Variants in SYNRG observed in about 807,000 individuals in gnomAD.
SYNRG encodes synergin gamma.
Under a neutral mutation model 130.9 loss-of-function variants are expected in SYNRG, and 37 were observed. The ratio of observed to expected loss-of-function variants is 0.28; its 90% confidence interval spans 0.22 to 0.37. The LOEUF is 0.37. Among genes scored for constraint, SYNRG ranks in the 10% least tolerant of loss-of-function variants. SYNRG has a pLI of 1.00. For missense variants in SYNRG, 1,338 were observed against 1,588.9 expected (o/e 0.84, Z 2.68); for synonymous variants, 539 against 568.1 (o/e 0.95, Z 0.73).
intron 3 of SYNRG, among the ~76,000 whole-genome samples, chr17:37,593,643 G>A (rs1355166203): frequency 6.6e-6 from 1 of 152,066 alleles, no homozygotes; most frequent in Non-Finnish European, 1.5e-5. Flanking sequence ...CCAGCACTTC[G>A]GGAGGCCGAG....
intron 11 of SYNRG, among the ~76,000 whole-genome samples, chr17:37,565,277 T>A (rs1025276229): frequency 2.0e-5 from 3 of 149,164 alleles, no homozygotes; most frequent in East Asian, 2.0e-4. Context: ...AAAAAAAAAA[T>A]AGTTTCATTC....
intron 1 of SYNRG, among the ~76,000 whole-genome samples, chr17:37,602,977 T>A (rs1290615732): frequency 1.3e-5 from 2 of 152,086 alleles, no homozygotes; most frequent in South Asian, 2.1e-4. Context: ...TGAGCTGAGA[T>A]TGCCCCACTG....
At chr17:37,534,409 G>C (rs1246017742) in intron 19 of SYNRG, among the ~76,000 whole-genome samples, 1 of 151,920 alleles carries the variant, frequency 6.6e-6, no homozygotes, top group African/African-American at 2.4e-5. Flanking sequence ...ATTTTTGGTA[G>C]AGACGGAGTT....
chr17:37,536,178 G>C (rs769394050), intron 18 of SYNRG, 51 bp from the exon 19 acceptor site: 2 of 1,552,836 alleles, frequency 1.3e-6, no homozygotes, highest in East Asian at 2.3e-5. Flanking sequence ...AGACACAGAG[G>C]ACCCAGACAG....
Position 37,553,249 on chromosome 17 carries a change from T to C in SYNRG, c.2474A>G (p.Lys825Arg), listed in dbSNP as rs1216967744. 2 of 1,613,938 alleles carry C rather than the reference T, an allele frequency of 1.2e-6. No homozygotes were observed. The highest frequency in any genetic ancestry group is 1.7e-6 in the Non-Finnish European group (2 of 1,179,974). ...LPSIGGSSVG[K>R]EDSEDALSVQ... Reference sequence around the variant, plus strand: ...AGAGAGTGCATCTTCAGAGTCCTCCTTGCCAACACTGCTGCCACCAATGGA... The same window carrying C: ...AGAGAGTGCATCTTCAGAGTCCTCCCTGCCAACACTGCTGCCACCAATGGA... The change falls in exon 14 of 22, where the codon AAG (lysine) becomes AGG (arginine). Residue 825 changes from lysine to arginine, a missense_variant. By Grantham distance (26) the Lys-to-Arg change is conservative. Around this residue, in one of 3 missense-constraint regions of SYNRG, gnomAD observed 1,146 missense variants for 1,342.3 expected, o/e 0.85. Transcript: ENST00000612223.
Position 37,571,937 on chromosome 17 carries a change from T to C in SYNRG, c.952A>G (p.Thr318Ala), listed in dbSNP as rs1193676638. 6.2e-7 allele frequency: 1 copy of C among 1,614,120 alleles called. No homozygotes were observed. ...ATCAGAATGGGATACAGTTTGGCAG[T>C]ATCTATTCCAGTTGGAGTCATTGTG... ...ETTMTPTGID[T>A]AKLYPILMSS... The change falls in exon 9 of 22, where the codon ACT becomes GCT. Residue 318 changes from threonine to alanine, a missense_variant. Transcript: ENST00000612223.
intron 8 of SYNRG, among the ~76,000 whole-genome samples, chr17:37,573,704 T>G (rs923380290): frequency 1.3e-5 from 2 of 152,092 alleles, no homozygotes; most frequent in African/African-American, 4.8e-5. Flanking sequence ...AAAATGCATT[T>G]GAATGAAAAC....
At chr17:37,535,066 G>A (rs369974034) in intron 19 of SYNRG, among the ~76,000 whole-genome samples, 1 of 152,024 alleles carries the variant, frequency 6.6e-6, no homozygotes, top group East Asian at 1.9e-4. Flanking sequence ...CAGTAATAGA[G>A]GAGGAAAATA....
At chr17:37,552,662 A>T (rs2058796747) in intron 14 of SYNRG, among the ~76,000 whole-genome samples, 1 of 152,204 alleles carries the variant, frequency 6.6e-6, no homozygotes, top group South Asian at 2.1e-4. Flanking sequence ...TTCTTGACCT[A>T]ACAAGAGTTA....
chr17:37,518,711 G>C lies in SYNRG; in HGVS notation c.*229C>G, dbSNP rs2054612375. On this transcript the variant is annotated 3_prime_UTR_variant, in exon 22 of 22. Transcript: ENST00000612223. ...TGGTCCGTATTTCAGAAAATCTTAA[G>C]TAGAGATAAGTGAGCAAGCTTCTGG... is the stretch of plus-strand genomic sequence containing the variant. 2.2e-6 allele frequency: 1 copy of C among 463,174 alleles called. No individual in the cohort carries two copies. Among genetic ancestry groups the C allele is most frequent in the Non-Finnish European group, 3.8e-6 (1 of 264,886 alleles). 28.7% of individuals were successfully genotyped at this position (463,174 alleles called of 1,614,324 possible). A position where few individuals can be genotyped will look rare whatever the true frequency, so the allele number is the denominator to read the frequency against.
intron 2 of SYNRG, among the ~76,000 whole-genome samples, chr17:37,598,046 C>G (rs1305585155): frequency 6.6e-6 from 1 of 152,194 alleles, no homozygotes; most frequent in Non-Finnish European, 1.5e-5. Flanking sequence ...GTAGGCCATT[C>G]ACTTATTCAA....
chr17:37,598,079 T>G (rs1272220895), intron 2 of SYNRG, among the ~76,000 whole-genome samples: 1 of 152,214 alleles, frequency 6.6e-6, no homozygotes, highest in Non-Finnish European at 1.5e-5. Flanking sequence ...TACTCCGTAT[T>G]AGGCACTGTT....
At position 37,570,828 on chromosome 17, in the gene SYNRG, G is replaced by A; in HGVS notation, c.1156C>T (p.Pro386Ser). The change falls in exon 10 of 22, where the codon CCA becomes TCA. Residue 386 changes from proline (P) to serine (S), a missense_variant. Pro to Ser is a moderately conservative substitution (Grantham distance 74). This residue lies in a region of SYNRG where 1,146 missense variants were observed against 1,342.3 expected (regional missense o/e 0.85). Transcript: ENST00000612223. ...ALNQFPAAPI[P>S]TLSGFSMTLP... ...GTCATAGAAAAGCCACTTAAAGTTGGAATAGGAGCTGCTGGGAACTGGTTT... is the reference window on the plus strand; with the variant it reads ...GTCATAGAAAAGCCACTTAAAGTTGAAATAGGAGCTGCTGGGAACTGGTTT... The A allele has an allele frequency of 6.2e-7, 1 of 1,614,208 alleles. No individual in the cohort carries two copies.
At chr17:37,579,260 T>C (rs1387842196) in intron 6 of SYNRG, 9 of 1,300,742 alleles carry the variant, frequency 6.9e-6, no homozygotes, top group Non-Finnish European at 8.1e-6. Flanking sequence ...CTTCTGTGTA[T>C]GCAACTGGCC....
At position 37,519,003 on chromosome 17, in the gene SYNRG, G is replaced by A. The variant is rs368653756; in HGVS notation, c.3882C>T (p.Ala1294=). The change falls in exon 22 of 22, where the codon GCC becomes GCT. Residue 1294 remains alanine, a synonymous_variant. Coordinates refer to ENST00000612223, the MANE Select transcript of SYNRG (RefSeq NM_007247.6). Reference sequence around the variant, plus strand: ...GTTCGACACAGTTGATCCAGAAGTTGGCACAGCTGGCGTGATACTGGTGCC... The same window carrying A: ...GTTCGACACAGTTGATCCAGAAGTTAGCACAGCTGGCGTGATACTGGTGCC... The part of the protein sequence containing the change: ...YGGHQYHASC[A]NFWINCVEPK... The A allele has an allele frequency of 6.2e-7, 1 of 1,614,232 alleles. No homozygotes were observed.
Position 37,518,920 on chromosome 17 carries a change from AT to A in SYNRG, c.*19del, listed in dbSNP as rs1568230972. The A allele has an allele frequency of 3.7e-6, 6 of 1,606,740 alleles. No homozygotes were observed. The highest frequency in any genetic ancestry group is 5.1e-6 in the Non-Finnish European group (6 of 1,177,036). ...GGGTGTCACAGAAAAAAAAAAGTCA[AT>A]GCTTCACAGAGGAGTTGTTCAGAGC... is the stretch of plus-strand genomic sequence containing the variant. On this transcript the variant is annotated 3_prime_UTR_variant, in exon 22 of 22. Transcript: ENST00000612223.
chr17:37,584,828 A>C, intron 5 of SYNRG, 69 bp from the exon 6 acceptor site: 1 of 1,171,954 alleles, frequency 8.5e-7, no homozygotes, highest in East Asian at 2.4e-5. Flanking sequence ...CTCCCAAATT[A>C]AGAAAAGCAC....
chr17:37,605,859 A>G (rs1254432480), intron 1 of SYNRG: 3 of 985,312 alleles, frequency 3.0e-6, no homozygotes, highest in African/African-American at 1.7e-5. Flanking sequence ...TACCTTTGCT[A>G]CTAACCTAGA....
intron 13 of SYNRG, among the ~76,000 whole-genome samples, chr17:37,558,220 A>C (rs985273003): frequency 6.6e-6 from 1 of 152,234 alleles, no homozygotes; most frequent in African/African-American, 2.4e-5. Context: ...GAATATTCTT[A>C]TAAGAGGTGG....
Sources: allele counts gnomAD v4.1 joint callset (sites outside exome capture counted in the v4.1 genomes callset), GRCh38; gene constraint gnomAD v4.1.1; regional missense constraint gnomAD v4.1.1; transcripts MANE v1.5; gene names NCBI Gene and HGNC (gene_info 2026-07-23, HGNC 2026-07-21).